Variants in HEATR4 observed in about 807,000 individuals in gnomAD.
HEATR4 encodes the protein HEAT repeat containing 4.
A neutral mutation model predicts 108.8 loss-of-function variants in HEATR4; 95 were observed. The observed-to-expected ratio is 0.87, with a 90% CI of 0.74 to 1.04. HEATR4 has a LOEUF of 1.04. Ranked by LOEUF, HEATR4 falls within the 50% of genes least tolerant of loss-of-function variation. HEATR4 has a pLI of 0.00. For synonymous variants in HEATR4, 443 were observed against 459.4 expected (o/e 0.96, Z 0.46); for missense variants, 1,152 against 1,253.8 (o/e 0.92, Z 1.23).
chr14:73,537,782 T>C, intron 1 of HEATR4: 1 of 1,230,692 alleles, frequency 8.1e-7, no homozygotes, highest in Non-Finnish European at 1.1e-6. Context: ...GCGGCTGCTG[T>C]GCCGGGTGCG....
chr14:73,521,175 T>G, intron 3 of HEATR4, 136 bp from the exon 4 acceptor site: 2 of 748,138 alleles, frequency 2.7e-6, no homozygotes, highest in Non-Finnish European at 4.4e-6. Flanking sequence ...AACACCAATG[T>G]TTAACTTTTA....
At chr14:73,595,438 C>G in the HEATR4 span, 1 of 1,614,196 alleles carries the variant, frequency 6.2e-7, no homozygotes, top group Non-Finnish European at 8.5e-7. Context: ...AGGAAAAACC[C>G]CAGATCATCT....
rs902361047 is a variant in HEATR4, at chr14:73,522,197, T to C, written c.881+75A>G. On this transcript the variant is annotated intron_variant, in intron 3 of 17. Coordinates refer to ENST00000553558, the MANE Select transcript of HEATR4 (RefSeq NM_001220484.1). Reference sequence around the variant, plus strand: ...GGAGAGTGCATTCTGAAATCGGGAGTGTGAGTCCACCTGGGAGTCCCTAAA... The same window carrying C: ...GGAGAGTGCATTCTGAAATCGGGAGCGTGAGTCCACCTGGGAGTCCCTAAA... The C allele has an allele frequency of 4.1e-6, 6 of 1,459,196 alleles. No individual in the cohort carries two copies. The Admixed American group carries it at 6.1e-5, about 15-fold the overall frequency. 90.4% of individuals were successfully genotyped at this position (1,459,196 alleles called of 1,614,324 possible).
chr14:73,520,881 T>C lies in HEATR4; in HGVS notation c.1040A>G (p.Asp347Gly), dbSNP rs745714720. ...PRAGKFAYST[D>G]NTFEQEIYFD... ...GTAAATCTCCTGTTCAAAGGTGTTG[T>C]CTGTGGAGTAGGCAAACTTTCCAGC... is the stretch of plus-strand genomic sequence containing the variant. The change falls in exon 4 of 18, where the codon GAC (aspartate) becomes GGC (glycine). Residue 347 changes from aspartate (D) to glycine (G), a missense_variant. By Grantham distance (94) the Asp-to-Gly change is moderately conservative. Transcript: ENST00000553558. The C allele has an allele frequency of 6.2e-7, 1 of 1,614,042 alleles. No homozygotes were observed. The highest frequency in any genetic ancestry group is 1.1e-5 in the South Asian group (1 of 91,080).
intron 2 of HEATR4, chr14:73,527,342 G>A (rs752860818): frequency 6.6e-6 from 1 of 151,856 alleles, no homozygotes; most frequent in Non-Finnish European, 1.5e-5. Flanking sequence ...GAGTGACAGA[G>A]ATATGTGACC....
Position 73,530,264 on chromosome 14 carries a change from A to T in HEATR4, c.-151-20T>A, listed in dbSNP as rs943654075. On this transcript the variant is annotated intron_variant, in intron 1 of 17. Coordinates refer to ENST00000553558, the MANE Select transcript of HEATR4 (RefSeq NM_001220484.1). ...CTGCGCCTGGAATAGATACGGGTAA[A>T]GAACCTTTTACATCAGACTCTTGTG... 6.9e-6 allele frequency: 1 copy of T among 145,008 alleles called. No homozygotes were observed. The highest frequency in any genetic ancestry group is 2.5e-5 in the African/African-American group (1 of 40,244). 9.0% of individuals were successfully genotyped at this position (145,008 alleles called of 1,614,324 possible).
chr14:73,532,025 G>T lies in HEATR4; in HGVS notation c.-151-1781C>A, dbSNP rs1224523751. Among the ~76,000 whole-genome samples, 3 of 113,592 alleles carry T rather than the reference G, an allele frequency of 2.6e-5. 1 individual carries two copies. Among genetic ancestry groups the T allele is most frequent in the Non-Finnish European group, 5.7e-5 (3 of 52,254 alleles). 74.5% of individuals were successfully genotyped at this position (113,592 alleles called of 152,430 possible). ...CCAGCCTGGGCAGCAAGAGTGAAGT[G>T]CAGTCTCAAAAAATAAAAATAAAAA... On this transcript the variant is annotated intron_variant, in intron 1 of 17. Coordinates refer to ENST00000553558, the MANE Select transcript of HEATR4 (RefSeq NM_001220484.1).
At chr14:73,594,009 G>C in the HEATR4 span, 1 of 1,079,186 alleles carries the variant, frequency 9.3e-7, no homozygotes, top group African/African-American at 1.6e-5. Flanking sequence ...CTTTCACAAA[G>C]ATGTCTTCTG....
At position 73,498,300 on chromosome 14, in the gene HEATR4, G is replaced by A; in HGVS notation, c.2401C>T (p.Leu801=). ...GQVSPELTDL[L]LWAIHYEESP... is the part of the protein sequence containing the mutation. ...TCTTCATAGTGGATAGCCCAGAGCA[G>A]AAGATCCGTCAGCTCGGGACTTACT... is the stretch of plus-strand genomic sequence containing the variant. Residue 801 remains leucine (L), a synonymous_variant, in exon 14 of 18, where the codon CTG becomes TTG. Transcript: ENST00000553558. 1 of 1,612,202 alleles carries A rather than the reference G, an allele frequency of 6.2e-7. No individual in the cohort carries two copies. The highest frequency in any genetic ancestry group is 1.1e-5 in the South Asian group (1 of 90,972).
upstream of HEATR4, among the ~76,000 whole-genome samples, chr14:73,563,112 G>A (rs1425353660): frequency 6.6e-6 from 1 of 151,940 alleles, no homozygotes; most frequent in Non-Finnish European, 1.5e-5. Flanking sequence ...CTGAGACTCA[G>A]GTGGGCATCA....
the HEATR4 span, among the ~76,000 whole-genome samples, chr14:73,584,787 C>T: frequency 6.7e-6 from 1 of 148,764 alleles, no homozygotes; most frequent in Non-Finnish European, 1.5e-5. Flanking sequence ...TTTTTTGAGA[C>T]CCTACCAGCC....
At chr14:73,490,280 C>T (rs1885628171) in intron 17 of HEATR4, among the ~76,000 whole-genome samples, 2 of 151,912 alleles carry the variant, frequency 1.3e-5, no homozygotes, top group African/African-American at 4.8e-5. Context: ...TGCAAGTCAC[C>T]ACACCTGGCT....
chr14:73,620,718 C>A, the HEATR4 span, among the ~76,000 whole-genome samples: 1 of 151,898 alleles, frequency 6.6e-6, no homozygotes, highest in Non-Finnish European at 1.5e-5. Flanking sequence ...CAGGCTCGTG[C>A]CACCATGCCC....
intron 5 of HEATR4, among the ~76,000 whole-genome samples, chr14:73,517,074 A>G (rs1164927825): frequency 2.0e-5 from 3 of 152,248 alleles, no homozygotes; most frequent in African/African-American, 7.2e-5. Flanking sequence ...TGTGGCCAGG[A>G]GTTCGAGACC....
At chr14:73,615,206 T>C in the HEATR4 span, among the ~76,000 whole-genome samples, 8 of 146,050 alleles carry the variant, frequency 5.5e-5, no homozygotes, top group Non-Finnish European at 1.0e-4. Flanking sequence ...GCCAAGATGG[T>C]GAAACCCTGT....
In HEATR4 at chr14:73,492,649, A is replaced by T; in HGVS notation, c.2844+417T>A. The T allele has an allele frequency of 6.2e-7, 1 of 1,614,028 alleles. No homozygotes were observed. Reference sequence around the variant, plus strand: ...TAAACGTGGGGGCCCAGTTGACAACAGAAACAGAAGTCCATATGCTTCAGG... The same window carrying T: ...TAAACGTGGGGGCCCAGTTGACAACTGAAACAGAAGTCCATATGCTTCAGG... On this transcript the variant is annotated intron_variant, in intron 17 of 17. Transcript: ENST00000553558. The surrounding 1 kb of genome is among the most constrained non-coding windows in gnomAD (Gnocchi z 4.9).
chr14:73,587,284 G>T, the HEATR4 span, among the ~76,000 whole-genome samples: 1 of 152,038 alleles, frequency 6.6e-6, no homozygotes, highest in Non-Finnish European at 1.5e-5. Flanking sequence ...TACTTGTTTG[G>T]AGATTTATCA....
chr14:73,627,197 T>C, the HEATR4 span, among the ~76,000 whole-genome samples: 415 of 151,772 alleles, frequency 2.7e-3, 1 homozygote, highest in Non-Finnish European at 4.3e-3. Context: ...GAGAAGTCTA[T>C]CCCTGGTGCA....
chr14:73,598,951 T>C, the HEATR4 span, among the ~76,000 whole-genome samples: 1 of 150,960 alleles, frequency 6.6e-6, no homozygotes, highest in African/African-American at 2.4e-5. Flanking sequence ...TTGCAATGAG[T>C]CAAGATCACA....
Sources: gnomAD v4.1 joint callset for allele counts (sites outside exome capture counted in the v4.1 genomes callset) on GRCh38, gnomAD v4.1.1 for gene constraint, Gnocchi (gnomAD v3.1) non-coding constraint, MANE v1.5 for transcripts, NCBI Gene and HGNC (gene_info 2026-07-23, HGNC 2026-07-21) for gene names.